Variants in KATNAL1 observed in about 807,000 individuals in gnomAD.
KATNAL1 encodes katanin p60 ATPase-containing subunit A-like 1.
Under a neutral mutation model 55.2 loss-of-function variants are expected in KATNAL1, and 32 were observed. The ratio of observed to expected loss-of-function variants is 0.58; its 90% CI spans 0.44 to 0.78. The LOEUF (loss-of-function observed/expected upper bound fraction) is 0.78, where lower values mean the gene tolerates loss of function less well. KATNAL1 is among the 30% of genes least tolerant of loss of function. The pLI, the probability that KATNAL1 is intolerant of heterozygous loss-of-function variation, is 0.00. For missense variants in KATNAL1, 466 were observed against 600.9 expected (o/e 0.78, Z 2.35); for synonymous variants, 193 against 193.6 (o/e 1.00, Z 0.02).
rs1393202959 is a variant in KATNAL1, at chr13:30,205,924, TAGTGTGTGTGTG to T, written c.*2604_*2615del. ...TAAGGCAACACACTGTCTTCTGAAA[TAGTGTGTGTGTG>T]TGTGTGTGTGTGTGTGTGTGTGTGT... On this transcript the variant is annotated 3_prime_UTR_variant, in exon 11 of 11. Transcript: ENST00000380615. 1.0e-5 allele frequency: 1 copy of T among 96,268 alleles called. No homozygotes were observed. Among genetic ancestry groups the T allele is most frequent in the African/African-American group, 3.9e-5 (1 of 25,870 alleles). The allele number at this position is 96,268 out of a possible 1,614,324, so 6.0% of individuals were successfully genotyped here.
intron 9 of KATNAL1, among the ~76,000 whole-genome samples, chr13:30,216,255 G>A (rs74407426): frequency 4.6e-5 from 7 of 152,102 alleles, no homozygotes; most frequent in Admixed American, 1.3e-4. Flanking sequence ...CTCCATAAAA[G>A]GAAATCACTG....
intron 1 of KATNAL1, among the ~76,000 whole-genome samples, chr13:30,304,268 CTTTT>C (rs35058135): frequency 7.1e-6 from 1 of 140,040 alleles, no homozygotes; most frequent in East Asian, 2.1e-4. Flanking sequence ...ACACACAACT[CTTTT>C]TTTTTTTTTT....
chr13:30,289,203 A>G (rs981923168), intron 1 of KATNAL1, among the ~76,000 whole-genome samples: 1 of 152,228 alleles, frequency 6.6e-6, no homozygotes, highest in African/African-American at 2.4e-5. Flanking sequence ...ACAACTGAGC[A>G]GTATTGGTAA....
intron 9 of KATNAL1, among the ~76,000 whole-genome samples, chr13:30,219,293 C>T (rs1160950664): frequency 6.6e-6 from 1 of 152,122 alleles, no homozygotes; most frequent in Non-Finnish European, 1.5e-5. Flanking sequence ...TTTATCCTAT[C>T]TGGTGGCTCC....
At chr13:30,255,890 G>A (rs943835458) in intron 3 of KATNAL1, among the ~76,000 whole-genome samples, 1 of 152,000 alleles carries the variant, frequency 6.6e-6, no homozygotes, top group Non-Finnish European at 1.5e-5. Flanking sequence ...CACCAATAGA[G>A]GGCAACACAG....
chr13:30,240,535 C>T lies in KATNAL1; in HGVS notation c.651G>A (p.Lys217=). Residue 217 remains lysine, a synonymous_variant, in exon 6 of 11, where the codon AAG becomes AAA. Coordinates refer to ENST00000380615, the MANE Select transcript of KATNAL1 (RefSeq NM_032116.5). ...GAACAACAGCTTCCCTTAGCAACTTCTTAGCTTCTTCCAGATCTGCTATGT... is the reference window on the plus strand; with the variant it reads ...GAACAACAGCTTCCCTTAGCAACTTTTTAGCTTCTTCCAGATCTGCTATGT... ...WDDIADLEEA[K]KLLREAVVLP... is the part of the protein sequence containing the mutation. The T allele has an allele frequency of 6.2e-7, 1 of 1,613,698 alleles. No individual in the cohort carries two copies. Among genetic ancestry groups the T allele is most frequent in the Non-Finnish European group, 8.5e-7 (1 of 1,179,690 alleles).
chr13:30,251,490 C>T (rs756711556), intron 4 of KATNAL1, among the ~76,000 whole-genome samples: 17 of 152,076 alleles, frequency 1.1e-4, no homozygotes, highest in Non-Finnish European at 8.8e-5. Context: ...AAAAGATTCC[C>T]AAGGGAGCCT....
At chr13:30,291,171 T>A (rs1170380528) in intron 1 of KATNAL1, among the ~76,000 whole-genome samples, 2 of 152,320 alleles carry the variant, frequency 1.3e-5, no homozygotes, top group South Asian at 2.1e-4. Context: ...ACAGAAAACA[T>A]GATTGTCAGT....
chr13:30,235,656 G>A (rs1484673712), intron 6 of KATNAL1, among the ~76,000 whole-genome samples: 1 of 152,232 alleles, frequency 6.6e-6, no homozygotes, highest in East Asian at 1.9e-4. Context: ...CAGGAAGAGA[G>A]GGCGAAAGAA....
chr13:30,252,391 G>A (rs1449836125), intron 4 of KATNAL1, among the ~76,000 whole-genome samples: 1 of 152,078 alleles, frequency 6.6e-6, no homozygotes, highest in East Asian at 1.9e-4. Flanking sequence ...AAATATACCA[G>A]GGACCTTAAG....
chr13:30,300,646 T>C (rs1310701717), intron 1 of KATNAL1, among the ~76,000 whole-genome samples: 1 of 152,178 alleles, frequency 6.6e-6, no homozygotes, highest in Non-Finnish European at 1.5e-5. Flanking sequence ...CTGAAGTATG[T>C]TTCAAGCACA....
chr13:30,254,586 A>G (rs2137460404), intron 4 of KATNAL1, among the ~76,000 whole-genome samples: 1 of 152,324 alleles, frequency 6.6e-6, no homozygotes, highest in Admixed American at 6.5e-5. Flanking sequence ...CACGTAATAA[A>G]AATATTCAAA....
At chr13:30,294,282 T>C (rs35843532) in intron 1 of KATNAL1, among the ~76,000 whole-genome samples, 7,308 of 152,188 alleles carry the variant, frequency 0.048, 238 homozygotes, top group Non-Finnish European at 0.071. Context: ...AAGTTGTAAA[T>C]GCAAAGAAGA....
chr13:30,251,976 T>C (rs1219477595), intron 4 of KATNAL1, among the ~76,000 whole-genome samples: 2 of 152,142 alleles, frequency 1.3e-5, no homozygotes, highest in Non-Finnish European at 2.9e-5. Flanking sequence ...AGCCTGTCAG[T>C]AATTTTAAAA....
rs796445869 is a variant in KATNAL1 at position 30,265,701 on chromosome 13, AT to A, written c.324-10087del. On this transcript the variant is annotated intron_variant, in intron 3 of 10. Transcript: ENST00000380615. ...AGATTTTAGAAGTCCCTTTTAAGAG[AT>A]TTTTTTTTTTTTTAAATCAGTCTCT... is the stretch of plus-strand genomic sequence containing the variant. Among the ~76,000 whole-genome samples, 1,100 of 143,354 alleles carry A rather than the reference AT, an allele frequency of 7.7e-3. 10 individuals carry two copies. The highest frequency in any genetic ancestry group is 0.02 in the African/African-American group (804 of 39,278). 94.0% of individuals were successfully genotyped at this position (143,354 alleles called of 152,430 possible). A position where few individuals can be genotyped will look rare whatever the true frequency, so the allele number is the denominator to read the frequency against.
chr13:30,225,167 A>G (rs912987053), intron 9 of KATNAL1, among the ~76,000 whole-genome samples: 1 of 152,182 alleles, frequency 6.6e-6, no homozygotes, highest in South Asian at 2.1e-4. Flanking sequence ...GGAAAAAAAG[A>G]GTTCAACATA....
intron 9 of KATNAL1, among the ~76,000 whole-genome samples, chr13:30,221,610 C>G (rs1298563312): frequency 6.6e-6 from 1 of 152,216 alleles, no homozygotes; most frequent in African/African-American, 2.4e-5. Flanking sequence ...CTAAAACTTA[C>G]AGACTTTACA....
intron 3 of KATNAL1, among the ~76,000 whole-genome samples, chr13:30,263,853 T>A (rs1333497474): frequency 1.4e-5 from 2 of 146,666 alleles, no homozygotes; most frequent in Non-Finnish European, 3.0e-5. Flanking sequence ...AATGACTTTC[T>A]TCACAGAATT....
chr13:30,231,168 C>A (rs202086), intron 7 of KATNAL1, 146 bp downstream of exon 7: 1 of 562,442 alleles, frequency 1.8e-6, no homozygotes, highest in South Asian at 4.8e-5. Context: ...AAACCCATCA[C>A]CCCAATTCTC....
Sources: gnomAD v4.1 joint callset for allele counts (sites outside exome capture counted in the v4.1 genomes callset) on GRCh38, gnomAD v4.1.1 for gene constraint, MANE v1.5 for transcripts, NCBI Gene and HGNC (gene_info 2026-07-23, HGNC 2026-07-21) for gene names.